CPXM2: variants seen among roughly 807,000 people sequenced by gnomAD.
The protein encoded by CPXM2 is carboxypeptidase X, M14 family member 2.
CPXM2 carries 66 observed loss-of-function variants against 86.1 expected under a neutral mutation model. The ratio of observed to expected loss-of-function variants is 0.77; its 90% confidence interval spans 0.63 to 0.94. CPXM2 has a LOEUF of 0.94. Ranked by LOEUF, CPXM2 falls within the 40% of genes least tolerant of loss-of-function variation. The pLI, the probability that CPXM2 is intolerant of heterozygous loss-of-function variation, is 0.00. For missense variants in CPXM2, 948 were observed against 1,026.3 expected (o/e 0.92, Z 1.04); for synonymous variants, 388 against 400.2 (o/e 0.97, Z 0.36).
At chr10:123,812,976 A>T (rs1425559695) in intron 4 of CPXM2, among the ~76,000 whole-genome samples, 1 of 152,210 alleles carries the variant, frequency 6.6e-6, no homozygotes, top group East Asian at 1.9e-4. Context: ...CCTTACACAT[A>T]TATTATATCC....
chr10:123,788,725 T>G (rs1847130338), intron 6 of CPXM2, among the ~76,000 whole-genome samples: 2 of 152,216 alleles, frequency 1.3e-5, no homozygotes, highest in Non-Finnish European at 2.9e-5. Context: ...GAACCTGCTC[T>G]TCACTGTCAG....
rs148221370 is a variant in CPXM2 at position 123,876,653 on chromosome 10, T to C, written c.403+3558A>G. ...CCTTTTAAATGGTTATATAAGCACT[T>C]ATATAATATCCTGGATTTTGGCTCT... On this transcript the variant is annotated intron_variant, in intron 2 of 13. Transcript: ENST00000241305. Among the ~76,000 whole-genome samples, 3 of 152,338 alleles carry C rather than the reference T, an allele frequency of 2.0e-5. No individual in the cohort carries two copies. In the East Asian group the frequency reaches 5.8e-4, roughly 29 times the overall value.
intron 4 of CPXM2, among the ~76,000 whole-genome samples, chr10:123,831,487 T>C (rs1848165272): frequency 6.6e-6 from 1 of 152,230 alleles, no homozygotes; most frequent in African/African-American, 2.4e-5. Flanking sequence ...GCACTTTGCC[T>C]TTTGTGGGCA....
chr10:123,832,575 C>T (rs779485997), intron 4 of CPXM2, among the ~76,000 whole-genome samples: 3 of 152,092 alleles, frequency 2.0e-5, no homozygotes, highest in Non-Finnish European at 4.4e-5. Context: ...ACCTGTAACC[C>T]TAGCACTTTG....
intron 3 of CPXM2, among the ~76,000 whole-genome samples, chr10:123,853,178 G>C (rs1848640120): frequency 6.6e-6 from 1 of 152,154 alleles, no homozygotes. Context: ...AGCAGTGCCT[G>C]CCTCCCCTTC....
At chr10:123,780,728 T>C (rs1485723790) in intron 6 of CPXM2, among the ~76,000 whole-genome samples, 1 of 123,870 alleles carries the variant, frequency 8.1e-6, no homozygotes, top group East Asian at 2.1e-4. Flanking sequence ...TTACCCAGCA[T>C]TCATTCCCCT....
chr10:123,919,901 G>A (rs1217611593), intron 2 of CPXM2, among the ~76,000 whole-genome samples: 1 of 152,156 alleles, frequency 6.6e-6, no homozygotes, highest in Non-Finnish European at 1.5e-5. Flanking sequence ...AGTGGAGGAA[G>A]CATGAGAGAG....
At chr10:123,919,801 G>A (rs72631124) in intron 2 of CPXM2, among the ~76,000 whole-genome samples, 3,356 of 152,300 alleles carry the variant, frequency 0.022, 103 homozygotes, top group East Asian at 0.094. Context: ...AAGGATGTCA[G>A]TGGTATCTCC....
intron 3 of CPXM2, among the ~76,000 whole-genome samples, chr10:123,846,347 C>T (rs527549131): frequency 3.3e-5 from 5 of 152,270 alleles, no homozygotes; most frequent in South Asian, 4.1e-4. Context: ...TCATAAGGAG[C>T]GCACAACCCA....
At chr10:123,846,523 T>G (rs1163812939) in intron 3 of CPXM2, among the ~76,000 whole-genome samples, 1 of 152,178 alleles carries the variant, frequency 6.6e-6, no homozygotes, top group African/African-American at 2.4e-5. Context: ...CTTCTTGCTG[T>G]GAAAGCCCCG....
Position 123,757,326 on chromosome 10 carries a change from T to C in CPXM2, c.1804A>G (p.Thr602Ala), listed in dbSNP as rs1292795012. 16 of 1,613,916 alleles carry C rather than the reference T, an allele frequency of 9.9e-6. No homozygotes were observed. Among genetic ancestry groups the C allele is most frequent in the Middle Eastern group, 1.6e-4 (1 of 6,062 alleles). ...TAGATGGACAGTTCGAAGCAGTTTG[T>C]ATGAAGGTAGCTGAAATCGTTCAGA... ...GSLNDFSYLH[T>A]NCFELSIYVG... The change falls in exon 12 of 14, where the codon ACA becomes GCA. Residue 602 changes from threonine (T) to alanine (A), a missense_variant. Coordinates refer to ENST00000241305, the MANE Select transcript of CPXM2 (RefSeq NM_198148.3).
chr10:123,906,388 A>G (rs909008275), intron 2 of CPXM2, among the ~76,000 whole-genome samples: 2 of 152,106 alleles, frequency 1.3e-5, no homozygotes, highest in African/African-American at 4.8e-5. Flanking sequence ...CTCCTCACCC[A>G]CAGTAGCCTC....
At chr10:123,859,223 C>T (rs923818070) in intron 3 of CPXM2, among the ~76,000 whole-genome samples, 11 of 152,256 alleles carry the variant, frequency 7.2e-5, no homozygotes, top group African/African-American at 1.4e-4. Flanking sequence ...TAGCTCAACA[C>T]GCCTACAAAA....
At chr10:123,905,755 T>C (rs1264781619) in intron 2 of CPXM2, among the ~76,000 whole-genome samples, 3 of 152,070 alleles carry the variant, frequency 2.0e-5, no homozygotes, top group Non-Finnish European at 4.4e-5. Flanking sequence ...CCCTCTTGCC[T>C]GTAGTTTCTT....
At chr10:123,767,246 G>A in intron 9 of CPXM2, 94 bp from the exon 10 acceptor site, 2 of 1,178,330 alleles carry the variant, frequency 1.7e-6, no homozygotes, top group East Asian at 4.7e-5. Flanking sequence ...TTCCCCTTGG[G>A]GAATGTCTCT....
chr10:123,867,969 C>T (rs543959854), intron 2 of CPXM2, among the ~76,000 whole-genome samples: 42 of 152,322 alleles, frequency 2.8e-4, no homozygotes, highest in African/African-American at 3.6e-4. Flanking sequence ...AAACCACTTG[C>T]AAAGCATGCG....
intron 2 of CPXM2, among the ~76,000 whole-genome samples, chr10:123,927,689 A>G (rs1945635566): frequency 6.6e-6 from 1 of 152,150 alleles, no homozygotes; most frequent in South Asian, 2.1e-4. Flanking sequence ...GCTGTTAACA[A>G]CTATTCTCAT....
At chr10:123,843,391 C>A in intron 3 of CPXM2, 1 of 351,418 alleles carries the variant, frequency 2.8e-6, no homozygotes, top group Non-Finnish European at 5.5e-6. Context: ...GAAGCATCCT[C>A]GTTTATTAAC....
intron 2 of CPXM2, among the ~76,000 whole-genome samples, chr10:123,904,570 T>G (rs1945415316): frequency 1.3e-5 from 2 of 152,174 alleles, no homozygotes; most frequent in Non-Finnish European, 2.9e-5. Flanking sequence ...GTCAGCTTCC[T>G]AAGTGTTTTA....
Sources: gnomAD v4.1 joint callset for allele counts (sites outside exome capture counted in the v4.1 genomes callset) on GRCh38, gnomAD v4.1.1 for gene constraint, MANE v1.5 for transcripts, NCBI Gene and HGNC (gene_info 2026-07-23, HGNC 2026-07-21) for gene names.